PPHLN1: variants seen among roughly 807,000 people sequenced by gnomAD.
The protein encoded by PPHLN1 is periphilin-1.
In PPHLN1, 29 loss-of-function variants were observed where a neutral mutation model predicts 51.3. That is an observed-to-expected ratio of 0.57 (90% CI 0.42 to 0.77). The LOEUF is 0.77. Ranked by LOEUF, PPHLN1 falls within the 30% of genes least tolerant of loss-of-function variation. The probability of loss-of-function intolerance (pLI) is 0.00; values close to 1 mark genes in which losing one functional copy is unlikely to be tolerated. For synonymous variants in PPHLN1, 147 were observed against 147.8 expected (o/e 0.99, Z 0.04); for missense variants, 436 against 438.4 (o/e 0.99, Z 0.05).
intron 6 of PPHLN1, among the ~76,000 whole-genome samples, chr12:42,385,537 A>G (rs2139024641): frequency 6.6e-6 from 1 of 152,336 alleles, no homozygotes; most frequent in East Asian, 1.9e-4. Flanking sequence ...TTGTAAAGGA[A>G]ACACTAAGCA....
chr12:42,406,293 G>T, intron 9 of PPHLN1, among the ~76,000 whole-genome samples: 1 of 151,750 alleles, frequency 6.6e-6, no homozygotes, highest in East Asian at 1.9e-4. Flanking sequence ...CGTTAGCTAG[G>T]ACGGTCTCGA....
intron 9 of PPHLN1, among the ~76,000 whole-genome samples, chr12:42,438,902 C>T (rs1178710368): frequency 1.3e-5 from 2 of 152,162 alleles, no homozygotes; most frequent in African/African-American, 4.8e-5. Context: ...GCGCCCGGCC[C>T]TCTTATTGTT....
intron 2 of PPHLN1, among the ~76,000 whole-genome samples, chr12:42,344,854 G>A (rs2072051834): frequency 6.6e-6 from 1 of 151,764 alleles, no homozygotes; most frequent in African/African-American, 2.4e-5. Context: ...GATTATAGAT[G>A]TGTGCCACTA....
At chr12:42,407,656 G>A (rs1348082982) in intron 9 of PPHLN1, among the ~76,000 whole-genome samples, 1 of 152,180 alleles carries the variant, frequency 6.6e-6, no homozygotes, top group South Asian at 2.1e-4. Flanking sequence ...ATCCATGGAT[G>A]CTCAAATCCC....
chr12:42,384,947 G>A lies in PPHLN1; in HGVS notation c.519G>A (p.Val173=), dbSNP rs770282323. ...CTGCCCACCTTTCCATAGAGTCCGT[G>A]CGTCCTGGTGCCTCCTACAAACGGC... ...SFHQSQHRKS[V]RPGASYKRQN... The change falls in exon 6 of 10, where the codon GTG becomes GTA. Residue 173 remains valine (V), a synonymous_variant. Coordinates refer to ENST00000358314, the MANE Select transcript of PPHLN1 (RefSeq NM_201439.2). The A allele has an allele frequency of 1.2e-6, 2 of 1,610,198 alleles. No homozygotes were observed. The highest frequency in any genetic ancestry group is 1.1e-5 in the South Asian group (1 of 91,038).
intron 3 of PPHLN1, among the ~76,000 whole-genome samples, chr12:42,353,547 G>GT (rs2073668862): frequency 5.9e-5 from 9 of 152,088 alleles, no homozygotes; most frequent in Admixed American, 5.9e-4. Context: ...AAAGTTTGGG[G>GT]TTTTATAGCT....
intron 2 of PPHLN1, among the ~76,000 whole-genome samples, chr12:42,337,128 T>C (rs2070770290): frequency 6.6e-6 from 1 of 152,188 alleles, no homozygotes. Flanking sequence ...TTTATTTATA[T>C]TTTTTACTTG....
chr12:42,385,524 T>G (rs148635372), intron 6 of PPHLN1, among the ~76,000 whole-genome samples: 2 of 152,194 alleles, frequency 1.3e-5, no homozygotes, highest in East Asian at 3.9e-4. Context: ...CGGGATGATA[T>G]GTTTGTAAAG....
intron 5 of PPHLN1, among the ~76,000 whole-genome samples, chr12:42,384,129 G>A (rs1377397548): frequency 6.6e-6 from 1 of 151,742 alleles, no homozygotes; most frequent in African/African-American, 2.4e-5. Context: ...AAAGGATACT[G>A]CTTCCTCAAC....
intron 9 of PPHLN1, among the ~76,000 whole-genome samples, chr12:42,410,440 A>C (rs914587537): frequency 1.3e-5 from 2 of 152,200 alleles, no homozygotes; most frequent in African/African-American, 4.8e-5. Context: ...AATAGCTGGC[A>C]TGTGTTCAGA....
chr12:42,370,318 G>A (rs1255785511), intron 4 of PPHLN1, among the ~76,000 whole-genome samples: 2 of 152,286 alleles, frequency 1.3e-5, no homozygotes, highest in East Asian at 3.9e-4. Flanking sequence ...ATTTTGAGAA[G>A]GATTGCTCTA....
intron 9 of PPHLN1, among the ~76,000 whole-genome samples, chr12:42,412,372 C>T (rs1229573499): frequency 6.6e-6 from 1 of 152,032 alleles, no homozygotes; most frequent in Non-Finnish European, 1.5e-5. Flanking sequence ...AGTTACTTCA[C>T]TTAGAGTATT....
In PPHLN1 at chr12:42,426,199, CA is replaced by C. The variant is rs2081454813; in HGVS notation, c.910-15115del. 3.3e-5 allele frequency among the ~76,000 whole-genome samples: 5 copies of C among 149,332 alleles called. No individual in the cohort carries two copies. The South Asian group carries it at 1.1e-3, about 32-fold the overall frequency. On this transcript the variant is annotated intron_variant, in intron 9 of 9. Transcript: ENST00000358314. Reference sequence around the variant, plus strand: ...ACACACACACACACACACACACACACACACACACACACACACACACACACAC... The same window carrying C: ...ACACACACACACACACACACACACACCACACACACACACACACACACACAC...
In PPHLN1 at chr12:42,428,819, TC is replaced by T. The variant is rs370808878; in HGVS notation, c.910-12495del. On this transcript the variant is annotated intron_variant, in intron 9 of 9. Transcript: ENST00000358314. Reference sequence around the variant, plus strand: ...AAAAATGAAGTTTGCCTTTTTAACTTCTTTTTTTTTTTTTTTTTAACTTAAG... The same window carrying T: ...AAAAATGAAGTTTGCCTTTTTAACTTTTTTTTTTTTTTTTTTTAACTTAAG... 8.1e-3 allele frequency among the ~76,000 whole-genome samples: 971 copies of T among 119,970 alleles called. 5 individuals are homozygous for T. Among genetic ancestry groups the T allele is most frequent in the East Asian group, 0.046 (181 of 3,904 alleles). The allele number at this position is 119,970 out of a possible 152,430, so 78.7% of individuals were successfully genotyped here. A position where few individuals can be genotyped will look rare whatever the true frequency, so the allele number is the denominator to read the frequency against.
At chr12:42,364,920 AAAAC>A (rs575508581) in intron 4 of PPHLN1, among the ~76,000 whole-genome samples, 25 of 152,336 alleles carry the variant, frequency 1.6e-4, no homozygotes, top group African/African-American at 2.9e-4. Context: ...CCGCCTTAAA[AAAAC>A]AAACAAAGTT....
At chr12:42,345,814 GATAGTCTTTACAAGTC>G (rs2072231737) in intron 2 of PPHLN1, among the ~76,000 whole-genome samples, 1 of 151,858 alleles carries the variant, frequency 6.6e-6, no homozygotes, top group South Asian at 2.1e-4. Flanking sequence ...AACCTTTTAA[GATAGTCTTTACAAGTC>G]ATAATTTTTT....
chr12:42,387,243 T>G, intron 6 of PPHLN1: 28 of 410,398 alleles, frequency 6.8e-5, no homozygotes, highest in Non-Finnish European at 7.6e-5. Flanking sequence ...CTGGCTTCTA[T>G]GATATCCTTT....
chr12:42,352,936 A>C (rs561642114), intron 3 of PPHLN1, among the ~76,000 whole-genome samples: 1 of 151,930 alleles, frequency 6.6e-6, no homozygotes, highest in Admixed American at 6.6e-5. Context: ...TAAAAATGCA[A>C]AAATCAGCCA....
intron 4 of PPHLN1, among the ~76,000 whole-genome samples, chr12:42,356,375 A>G (rs1371075001): frequency 6.6e-6 from 1 of 152,238 alleles, no homozygotes; most frequent in African/African-American, 2.4e-5. Context: ...ACAGTGGGAT[A>G]CACTGTGGCT....
Sources: allele counts gnomAD v4.1 joint callset (sites outside exome capture counted in the v4.1 genomes callset), GRCh38; gene constraint gnomAD v4.1.1; transcripts MANE v1.5; gene names NCBI Gene and HGNC (gene_info 2026-07-23, HGNC 2026-07-21).